GRAMD4: variants seen among roughly 807,000 people sequenced by gnomAD.
GRAMD4 encodes the protein GRAM domain-containing protein 4.
In GRAMD4, 25 loss-of-function variants were observed where a neutral mutation model predicts 83.9. The ratio of observed to expected loss-of-function variants is 0.30; its 90% CI spans 0.22 to 0.42. The LOEUF is 0.42. GRAMD4 is among the 10% of genes least tolerant of loss of function. The pLI is 1.00. For missense variants in GRAMD4, 593 were observed against 788.7 expected, an observed-to-expected ratio of 0.75 and a Z score of 2.97; for synonymous variants, 336 against 320.9, an observed-to-expected ratio of 1.05 and a Z score of -0.50.
intron 1 of GRAMD4, among the ~76,000 whole-genome samples, chr22:46,625,362 G>A (rs2081641898): frequency 6.6e-6 from 1 of 152,228 alleles, no homozygotes; most frequent in Non-Finnish European, 1.5e-5. Context: ...AGGAGGCTTT[G>A]GGGGCGGGGC....
intron 2 of GRAMD4, among the ~76,000 whole-genome samples, chr22:46,631,119 A>G (rs140821581): frequency 1.3e-5 from 2 of 152,368 alleles, no homozygotes; most frequent in East Asian, 3.9e-4. Flanking sequence ...CTTTGCACAC[A>G]TGTAGGCTTC....
At chr22:46,650,617 C>G (rs1329133942) in intron 3 of GRAMD4, among the ~76,000 whole-genome samples, 1 of 152,242 alleles carries the variant, frequency 6.6e-6, no homozygotes, top group Non-Finnish European at 1.5e-5. Context: ...CTCGCAGATG[C>G]TGGGGAGGCG....
Position 46,676,605 on chromosome 22 carries a change from G to A in GRAMD4, c.1569G>A (p.Lys523=). 1.3e-6 allele frequency: 2 copies of A among 1,549,398 alleles called. No individual in the cohort carries two copies. Among genetic ancestry groups the A allele is most frequent in the Non-Finnish European group, 1.7e-6 (2 of 1,146,930 alleles). Residue 523 remains lysine (K), a synonymous_variant, in exon 18 of 19, where the codon AAG becomes AAA. Coordinates refer to ENST00000406902, the MANE Select transcript of GRAMD4 (RefSeq NM_015124.5). ...GGCCACGCTTTGCCTTTCAGTACAA[G>A]GTCCTGTCTGTCCTCCCAGGCTCAG... The part of the protein sequence containing the change: ...LVDITDIQKY[K]VLSVLPGSGM...
chr22:46,645,126 G>A (rs2082055872), intron 3 of GRAMD4, among the ~76,000 whole-genome samples: 1 of 151,892 alleles, frequency 6.6e-6, no homozygotes, highest in South Asian at 2.1e-4. Flanking sequence ...TTCGCAGGCT[G>A]TCTGCACCTG....
At chr22:46,591,427 T>G (rs891226625) in intron 1 of GRAMD4, among the ~76,000 whole-genome samples, 2 of 150,136 alleles carry the variant, frequency 1.3e-5, no homozygotes, top group African/African-American at 4.9e-5. Flanking sequence ...GAGGTGGGAG[T>G]TGGGGTTTGT....
At chr22:46,587,867 G>A in intron 1 of GRAMD4, 1 of 979,664 alleles carries the variant, frequency 1.0e-6, no homozygotes, top group Non-Finnish European at 1.2e-6. Context: ...CAGAAGCCCG[G>A]GCGTCGGGGT....
At chr22:46,651,728 A>G (rs2082169292) in intron 3 of GRAMD4, among the ~76,000 whole-genome samples, 1 of 152,068 alleles carries the variant, frequency 6.6e-6, no homozygotes, top group Admixed American at 6.5e-5. Flanking sequence ...CACCTCCTCC[A>G]TCCGTGCTGT....
At chr22:46,674,467 A>G in intron 15 of GRAMD4, 190 bp from the exon 16 acceptor site, 1 of 608,636 alleles carries the variant, frequency 1.6e-6, no homozygotes, top group Non-Finnish European at 3.0e-6. Flanking sequence ...CCTGTTGAAG[A>G]GGAAACATCT....
intron 2 of GRAMD4, among the ~76,000 whole-genome samples, chr22:46,635,728 G>T (rs1351526989): frequency 1.6e-5 from 2 of 122,112 alleles, no homozygotes; most frequent in Admixed American, 7.8e-5. Flanking sequence ...CCTGTCCTGG[G>T]GGCCCGTGTC....
In GRAMD4 at chr22:46,585,151, C is replaced by G. The variant is rs1312958369; in HGVS notation, c.-50+7861C>G. Among the ~76,000 whole-genome samples, 4 of 151,598 alleles carry G rather than the reference C, an allele frequency of 2.6e-5. 1 individual carries two copies. In the East Asian group the frequency reaches 7.7e-4, roughly 29 times the overall value. On this transcript the variant is annotated intron_variant, in intron 1 of 1. Transcript: ENST00000431155. Reference sequence around the variant, plus strand: ...TTTGTCGGCGGTGTTTTCCAGGCAGCATTTTGGGGATCTGAGTGGAGCCTG... The same window carrying G: ...TTTGTCGGCGGTGTTTTCCAGGCAGGATTTTGGGGATCTGAGTGGAGCCTG...
At chr22:46,576,950 G>T (rs1252772425), upstream of GRAMD4, among the ~76,000 whole-genome samples, 1 of 145,254 alleles carries the variant, frequency 6.9e-6, no homozygotes, top group Non-Finnish European at 1.5e-5. Context: ...ACGCGGACCC[G>T]CCAGGGCAGG....
intron 3 of GRAMD4, among the ~76,000 whole-genome samples, chr22:46,651,860 G>C (rs2082171428): frequency 6.6e-6 from 1 of 152,164 alleles, no homozygotes; most frequent in African/African-American, 2.4e-5. Flanking sequence ...GGGGGAGAGA[G>C]ACGGAGCTAG....
At chr22:46,633,019 A>G (rs754880623) in intron 2 of GRAMD4, among the ~76,000 whole-genome samples, 21 of 152,000 alleles carry the variant, frequency 1.4e-4, no homozygotes, top group Non-Finnish European at 3.1e-4. Context: ...GGAAGAGCAT[A>G]CTTATTTGTA....
At chr22:46,673,530 G>C (rs977098162) in intron 14 of GRAMD4, 140 bp from the exon 15 acceptor site, 3 of 1,058,202 alleles carry the variant, frequency 2.8e-6, no homozygotes, top group Non-Finnish European at 4.1e-6. Context: ...AGAAGGAGCC[G>C]CTCTGGGCCG....
chr22:46,576,886 G>A (rs866401889), upstream of GRAMD4, among the ~76,000 whole-genome samples: 345 of 146,562 alleles, frequency 2.4e-3, 2 homozygotes, highest in African/African-American at 8.0e-3. Context: ...TGCGAGCGGC[G>A]GGGGCGCACG....
At chr22:46,645,609 C>T (rs2082062085) in intron 3 of GRAMD4, among the ~76,000 whole-genome samples, 1 of 152,196 alleles carries the variant, frequency 6.6e-6, no homozygotes, top group Admixed American at 6.5e-5. Flanking sequence ...CAGAGTGTTA[C>T]TCTTCATGGA....
intron 7 of GRAMD4, 47 bp from the exon 8 acceptor site, chr22:46,663,979 G>T: frequency 6.4e-7 from 1 of 1,573,412 alleles, no homozygotes; most frequent in Non-Finnish European, 8.7e-7. Context: ...GTGGTTAAGC[G>T]GCCTCCTACC....
At chr22:46,586,717 A>C (rs1411039945) in intron 1 of GRAMD4, among the ~76,000 whole-genome samples, 2 of 152,166 alleles carry the variant, frequency 1.3e-5, no homozygotes, top group Non-Finnish European at 2.9e-5. Context: ...CTGGGACATG[A>C]GTTGGGGGGA....
intron 8 of GRAMD4, among the ~76,000 whole-genome samples, chr22:46,664,432 G>T (rs192042360): frequency 6.6e-6 from 1 of 152,222 alleles, no homozygotes; most frequent in Non-Finnish European, 1.5e-5. Flanking sequence ...CGTGCAGTGC[G>T]GTGGCCACGC....
Sources: allele counts gnomAD v4.1 joint callset (sites outside exome capture counted in the v4.1 genomes callset), GRCh38; gene constraint gnomAD v4.1.1; transcripts MANE v1.5; gene names NCBI Gene and HGNC (gene_info 2026-07-23, HGNC 2026-07-21).